ELMO1: variants seen among roughly 807,000 people sequenced by gnomAD.
ELMO1 encodes engulfment and cell motility protein 1.
ELMO1 carries 26 observed loss-of-function variants against 98.9 expected under a neutral mutation model. The observed-to-expected ratio is 0.26, with a 90% confidence interval of 0.19 to 0.36. ELMO1 has a LOEUF of 0.36. Ranked by LOEUF, ELMO1 falls within the 10% of genes least tolerant of loss-of-function variation. ELMO1 has a pLI of 1.00. For synonymous variants in ELMO1, 346 were observed against 346.0 expected (o/e 1.00, Z 0.00); for missense variants, 627 against 935.2 (o/e 0.67, Z 4.30).
chr7:36,987,087 G>C lies in ELMO1; in HGVS notation c.1437+26212C>G, dbSNP rs376481218. 7.9e-5 allele frequency among the ~76,000 whole-genome samples: 12 copies of C among 152,296 alleles called. No individual in the cohort carries two copies. The East Asian group carries it at 1.3e-3, about 17-fold the overall frequency. Reference sequence around the variant, plus strand: ...AATGAAGCGATTACACTGGCGGCTTGTGGAAGATTTTGTAAGTACGGAGTG... The same window carrying C: ...AATGAAGCGATTACACTGGCGGCTTCTGGAAGATTTTGTAAGTACGGAGTG... On this transcript the variant is annotated intron_variant, in intron 16 of 21. Transcript: ENST00000310758.
At chr7:37,331,865 C>T (rs1007961969) in intron 2 of ELMO1, among the ~76,000 whole-genome samples, 18 of 151,796 alleles carry the variant, frequency 1.2e-4, no homozygotes, top group African/African-American at 4.4e-4. Context: ...AAAAGGAAAA[C>T]GTGAAGAAAA....
At chr7:37,362,521 G>T (rs1221595654) in intron 1 of ELMO1, among the ~76,000 whole-genome samples, 1 of 152,020 alleles carries the variant, frequency 6.6e-6, no homozygotes, top group Admixed American at 6.6e-5. Flanking sequence ...TCCAGGCATC[G>T]CCTCTAGGTA....
chr7:37,042,234 A>C (rs1795559706), intron 15 of ELMO1, among the ~76,000 whole-genome samples: 1 of 150,954 alleles, frequency 6.6e-6, no homozygotes, highest in East Asian at 1.9e-4. Flanking sequence ...AAAAGAAGAG[A>C]GAGAAAGAAA....
intron 15 of ELMO1, among the ~76,000 whole-genome samples, chr7:37,078,876 T>A (rs939184908): frequency 1.2e-4 from 19 of 152,118 alleles, no homozygotes; most frequent in African/African-American, 4.6e-4. Flanking sequence ...AATAGAATAT[T>A]TAAAAATACA....
intron 10 of ELMO1, among the ~76,000 whole-genome samples, chr7:37,218,894 A>G (rs1295301357): frequency 6.6e-6 from 1 of 152,234 alleles, no homozygotes; most frequent in African/African-American, 2.4e-5. Context: ...TTTCTACCAA[A>G]TCTTTTAACT....
intron 13 of ELMO1, among the ~76,000 whole-genome samples, chr7:37,140,242 T>C (rs1037436898): frequency 6.7e-6 from 1 of 149,930 alleles, no homozygotes; most frequent in Non-Finnish European, 1.5e-5. Flanking sequence ...AAAAATTAGC[T>C]GGGCGTGGTG....
At chr7:37,253,490 C>T (rs903845073) in intron 6 of ELMO1, among the ~76,000 whole-genome samples, 1 of 152,156 alleles carries the variant, frequency 6.6e-6, no homozygotes, top group African/African-American at 2.4e-5. Context: ...GAAAACCAAA[C>T]ACCGCATGTT....
intron 15 of ELMO1, among the ~76,000 whole-genome samples, chr7:37,064,530 C>T (rs1796847739): frequency 6.6e-6 from 1 of 152,204 alleles, no homozygotes; most frequent in Admixed American, 6.5e-5. Context: ...AAGGACACTA[C>T]CTGCCTCAGT....
chr7:36,985,938 C>A, intron 16 of ELMO1: 2 of 1,002,990 alleles, frequency 2.0e-6, no homozygotes, highest in Non-Finnish European at 2.4e-6. Context: ...TCCCGTAAGT[C>A]CATCTTTCCC....
intron 1 of ELMO1, among the ~76,000 whole-genome samples, chr7:37,371,575 A>G (rs1802116530): frequency 6.6e-6 from 1 of 152,342 alleles, no homozygotes; most frequent in African/African-American, 2.4e-5. Context: ...AAGTACATAT[A>G]TATATATTTC....
At chr7:36,901,011 C>T (rs1267296442) in intron 16 of ELMO1, among the ~76,000 whole-genome samples, 1 of 150,922 alleles carries the variant, frequency 6.6e-6, no homozygotes. Flanking sequence ...TTTGGGGCTA[C>T]ACTCTAAGGG....
chr7:37,369,555 T>G (rs1802029832), intron 1 of ELMO1, among the ~76,000 whole-genome samples: 1 of 151,762 alleles, frequency 6.6e-6, no homozygotes, highest in East Asian at 1.9e-4. Flanking sequence ...TTCCAGAGAT[T>G]AACTATTTGA....
chr7:37,435,139 T>C (rs1484520057), intron 1 of ELMO1: 1 of 152,432 alleles, frequency 6.6e-6, no homozygotes, highest in Non-Finnish European at 1.5e-5. Context: ...CCGAGGTGTT[T>C]ACAACTAATT....
intron 2 of ELMO1, among the ~76,000 whole-genome samples, chr7:37,332,392 T>C (rs534530504): frequency 2.6e-5 from 4 of 152,342 alleles, no homozygotes; most frequent in Non-Finnish European, 4.4e-5. Flanking sequence ...ATGCTGGCGC[T>C]GGGGACATAC....
chr7:37,024,579 C>T (rs1386880117), intron 15 of ELMO1, among the ~76,000 whole-genome samples: 1 of 152,166 alleles, frequency 6.6e-6, no homozygotes, highest in African/African-American at 2.4e-5. Context: ...AGAGTTAGGA[C>T]TGCAGCTAGA....
chr7:37,076,949 G>A (rs1410318210), intron 15 of ELMO1, among the ~76,000 whole-genome samples: 3 of 152,210 alleles, frequency 2.0e-5, no homozygotes, highest in Non-Finnish European at 4.4e-5. Context: ...AACTGCCTGT[G>A]CTGACTGGGA....
intron 15 of ELMO1, among the ~76,000 whole-genome samples, chr7:37,069,805 T>C (rs1253088802): frequency 6.6e-6 from 1 of 152,190 alleles, no homozygotes; most frequent in African/African-American, 2.4e-5. Context: ...ATAACTAAAA[T>C]ATTGTTATAT....
chr7:37,049,930 AT>A (rs1796012902), intron 15 of ELMO1, among the ~76,000 whole-genome samples: 1 of 151,816 alleles, frequency 6.6e-6, no homozygotes, highest in Non-Finnish European at 1.5e-5. Context: ...GGCATGCGCC[AT>A]CATGCCTGGC....
intron 4 of ELMO1, among the ~76,000 whole-genome samples, 197 bp from the exon 5 acceptor site, chr7:37,272,079 G>T (rs952192302): frequency 6.6e-6 from 1 of 152,084 alleles, no homozygotes; most frequent in African/African-American, 2.4e-5. Flanking sequence ...CAAACCCAAA[G>T]AAAAGGAATA....
Sources: allele counts gnomAD v4.1 joint callset (sites outside exome capture counted in the v4.1 genomes callset), GRCh38; gene constraint gnomAD v4.1.1; transcripts MANE v1.5; gene names NCBI Gene and HGNC (gene_info 2026-07-23, HGNC 2026-07-21).